GABRB2: variants seen among roughly 807,000 people sequenced by gnomAD.
GABRB2 encodes the protein gamma-aminobutyric acid receptor subunit beta-2.
GABRB2 carries 16 observed loss-of-function variants against 54.7 expected under a neutral mutation model. That is an observed-to-expected ratio of 0.29 (90% CI 0.20 to 0.44). The LOEUF (loss-of-function observed/expected upper bound fraction) is 0.44. GABRB2 is among the 20% of genes least tolerant of loss of function. The pLI is 1.00. For missense variants in GABRB2, 355 were observed against 644.0 expected, an observed-to-expected ratio of 0.55 and a Z score of 4.86; for synonymous variants, 244 against 233.8, an observed-to-expected ratio of 1.04 and a Z score of -0.40.
chr5:161,496,092 C>T (rs189843663), intron 3 of GABRB2, among the ~76,000 whole-genome samples: 7 of 152,212 alleles, frequency 4.6e-5, no homozygotes, highest in Admixed American at 1.3e-4. Context: ...CCACTGGGAA[C>T]GGGCCACCAA....
intron 3 of GABRB2, among the ~76,000 whole-genome samples, chr5:161,511,543 T>C (rs1285049724): frequency 6.6e-6 from 1 of 152,074 alleles, no homozygotes; most frequent in Non-Finnish European, 1.5e-5. Context: ...AGGTATATTA[T>C]GTATGTCTTG....
intron 4 of GABRB2, among the ~76,000 whole-genome samples, chr5:161,433,240 T>TA (rs1277351975): frequency 1.3e-5 from 2 of 152,132 alleles, no homozygotes; most frequent in African/African-American, 4.8e-5. Flanking sequence ...AAAATCACTT[T>TA]TACTAATTTA....
chr5:161,394,445 G>C (rs1755931895), intron 5 of GABRB2, among the ~76,000 whole-genome samples: 1 of 151,756 alleles, frequency 6.6e-6, no homozygotes, highest in Admixed American at 6.6e-5. Context: ...TAACAAAATT[G>C]ACAAATATCC....
At chr5:161,316,299 G>A (rs969350877) in intron 9 of GABRB2, among the ~76,000 whole-genome samples, 5 of 152,124 alleles carry the variant, frequency 3.3e-5, no homozygotes, top group Middle Eastern at 3.4e-3. Context: ...ATTTGTCTTC[G>A]TGAAGACCCA....
At chr5:161,416,572 G>A (rs1462266382) in intron 4 of GABRB2, among the ~76,000 whole-genome samples, 1 of 150,442 alleles carries the variant, frequency 6.6e-6, no homozygotes, top group Non-Finnish European at 1.5e-5. Flanking sequence ...ATCTTTGAAT[G>A]TTTAAAAAAA....
chr5:161,424,496 G>A (rs1756940160), intron 4 of GABRB2, among the ~76,000 whole-genome samples: 1 of 152,216 alleles, frequency 6.6e-6, no homozygotes, highest in South Asian at 2.1e-4. Flanking sequence ...TAAATGGAAA[G>A]ACAAAGCCAG....
At chr5:161,538,696 T>C (rs1760719792) in intron 3 of GABRB2, among the ~76,000 whole-genome samples, 1 of 152,066 alleles carries the variant, frequency 6.6e-6, no homozygotes, top group South Asian at 2.1e-4. Flanking sequence ...TGGTGGCACG[T>C]GCCTGTAGTC....
At chr5:161,456,641 G>A (rs996793633) in intron 4 of GABRB2, among the ~76,000 whole-genome samples, 2 of 152,076 alleles carry the variant, frequency 1.3e-5, no homozygotes, top group Non-Finnish European at 2.9e-5. Flanking sequence ...CATGTAAGAT[G>A]GAGAAAATGA....
At chr5:161,429,027 G>A (rs979310249) in intron 4 of GABRB2, among the ~76,000 whole-genome samples, 4 of 151,458 alleles carry the variant, frequency 2.6e-5, no homozygotes, top group African/African-American at 7.3e-5. Context: ...GGCATCACAC[G>A]GTAAGTACCA....
intron 5 of GABRB2, among the ~76,000 whole-genome samples, chr5:161,374,197 G>A (rs1413609464): frequency 6.6e-6 from 1 of 152,030 alleles, no homozygotes; most frequent in African/African-American, 2.4e-5. Context: ...GTTGGCCTCG[G>A]CCTCCCAAAG....
chr5:161,476,601 C>T (rs1209238833), intron 3 of GABRB2, among the ~76,000 whole-genome samples: 4 of 151,634 alleles, frequency 2.6e-5, no homozygotes, highest in Non-Finnish European at 5.9e-5. Flanking sequence ...AATGTATGGC[C>T]AATGGAATAG....
intron 3 of GABRB2, among the ~76,000 whole-genome samples, chr5:161,524,373 A>G (rs1322959637): frequency 1.3e-5 from 2 of 151,812 alleles, no homozygotes; most frequent in Non-Finnish European, 3.0e-5. Context: ...GCTGGCAAGC[A>G]GACGCAACTT....
chr5:161,503,560 T>G (rs1759511566), intron 3 of GABRB2, among the ~76,000 whole-genome samples: 1 of 151,980 alleles, frequency 6.6e-6, no homozygotes, highest in South Asian at 2.1e-4. Flanking sequence ...AATACAAAGT[T>G]AGCCGGGCAT....
chr5:161,464,972 T>C (rs1214847307), intron 3 of GABRB2, among the ~76,000 whole-genome samples: 1 of 152,050 alleles, frequency 6.6e-6, no homozygotes, highest in Non-Finnish European at 1.5e-5. Context: ...ATAGCAGTGG[T>C]GGTGTTAGGA....
intron 8 of GABRB2, chr5:161,329,372 A>G (rs1188394035): frequency 1.8e-5 from 2 of 108,664 alleles, no homozygotes; most frequent in African/African-American, 3.6e-5. Context: ...TGTGATTCCA[A>G]TAAGTAAAAC....
intron 9 of GABRB2, among the ~76,000 whole-genome samples, chr5:161,321,950 T>G (rs559116784): frequency 3.3e-4 from 51 of 152,300 alleles, no homozygotes; most frequent in African/African-American, 1.1e-3. Flanking sequence ...AGCAAAATTT[T>G]TCCAGGGAAC....
chr5:161,337,014 G>A (rs1754014104), intron 5 of GABRB2, among the ~76,000 whole-genome samples: 1 of 152,072 alleles, frequency 6.6e-6, no homozygotes, highest in Non-Finnish European at 1.5e-5. Context: ...AAAGCTTAGA[G>A]AAATTAACAG....
chr5:161,292,651 C>T lies in GABRB2; in HGVS notation c.*1430G>A, dbSNP rs1288845851. On this transcript the variant is annotated 3_prime_UTR_variant, in exon 10 of 10. Transcript: ENST00000393959. The stretch of plus-strand genomic sequence containing the variant: ...GTTAATGTGGCTTTGTTATTATTTT[C>T]CACTAGTTTTCATATTTTCCTTGAT... The T allele has an allele frequency of 1.3e-5, 2 of 152,126 alleles. No individual in the cohort carries two copies. Among genetic ancestry groups the T allele is most frequent in the Non-Finnish European group, 1.5e-5 (1 of 68,012 alleles). The allele number at this position is 152,126 out of a possible 1,614,324, so 9.4% of individuals were successfully genotyped here. A position where few individuals can be genotyped will look rare whatever the true frequency, so the allele number is the denominator to read the frequency against.
chr5:161,412,242 CAT>C (rs1185264131), intron 4 of GABRB2, among the ~76,000 whole-genome samples: 16 of 152,284 alleles, frequency 1.1e-4, no homozygotes, highest in Admixed American at 3.9e-4. Context: ...AGAATGGAAA[CAT>C]GTGATTAACT....
Sources: gnomAD v4.1 joint callset for allele counts (sites outside exome capture counted in the v4.1 genomes callset) on GRCh38, gnomAD v4.1.1 for gene constraint, MANE v1.5 for transcripts, NCBI Gene and HGNC (gene_info 2026-07-23, HGNC 2026-07-21) for gene names.